The following FSTL5 variants were observed in gnomAD, a reference collection of about 807,000 sequenced individuals.
FSTL5 encodes follistatin-related protein 5.
In FSTL5, 62 loss-of-function variants were observed where a neutral mutation model predicts 89.1. The observed-to-expected ratio is 0.70, with a 90% CI of 0.57 to 0.86. The LOEUF is 0.86. Among genes scored for constraint, FSTL5 ranks in the 40% least tolerant of loss-of-function variants. The probability of loss-of-function intolerance (pLI) is 0.00; values close to 1 mark genes in which losing one functional copy is unlikely to be tolerated. For missense variants in FSTL5, 1,057 were observed against 1,001.6 expected, an observed-to-expected ratio of 1.06 and a Z score of -0.75; for synonymous variants, 383 against 346.2, an observed-to-expected ratio of 1.11 and a Z score of -1.18.
Position 161,386,280 on chromosome 4 carries a change from C to T in FSTL5, c.2011G>A (p.Gly671Arg), listed in dbSNP as rs745937435. ...YFIGCKPDST[G>R]AVSPQVMVDG... is the part of the protein sequence containing the mutation. ...ACCATGACCTGTGGGGAAACTGCTC[C>T]GGTGCTGTCAGGTTTGCAGCCAATG... The change falls in exon 16 of 16, where the codon GGA becomes AGA. Residue 671 changes from glycine to arginine, a missense_variant. Gly to Arg is a moderately radical substitution (Grantham distance 125, BLOSUM62 -2). Coordinates refer to ENST00000306100, the MANE Select transcript of FSTL5 (RefSeq NM_020116.5). The T allele has an allele frequency of 8.1e-6, 13 of 1,613,758 alleles. No homozygotes were observed. The highest frequency in any genetic ancestry group is 5.5e-5 in the South Asian group (5 of 91,080).
chr4:161,544,416 AC>A (rs1183974290), intron 8 of FSTL5, among the ~76,000 whole-genome samples: 1 of 152,032 alleles, frequency 6.6e-6, no homozygotes, highest in African/African-American at 2.4e-5. Flanking sequence ...CATTTATAAA[AC>A]GTTCACAATG....
intron 15 of FSTL5, among the ~76,000 whole-genome samples, chr4:161,443,783 T>C (rs902731110): frequency 6.6e-6 from 1 of 151,730 alleles, no homozygotes; most frequent in African/African-American, 2.4e-5. Flanking sequence ...TAAATGAGAA[T>C]TGGAAAGGGC....
At chr4:162,112,865 ATGT>A (rs1410380133) in intron 1 of FSTL5, among the ~76,000 whole-genome samples, 3 of 151,134 alleles carry the variant, frequency 2.0e-5, no homozygotes, top group South Asian at 2.1e-4. Flanking sequence ...TGGCCATTCC[ATGT>A]TGTTGTTGTT....
At chr4:161,929,660 C>CGTGTGTGTGTGTGT (rs765281533) in intron 3 of FSTL5, among the ~76,000 whole-genome samples, 15 of 126,936 alleles carry the variant, frequency 1.2e-4, no homozygotes, top group East Asian at 2.5e-4. Flanking sequence ...TAGGTAGGCA[C>CGTGTGTGTGTGTGT]GTGTGTGTGT....
intron 7 of FSTL5, among the ~76,000 whole-genome samples, chr4:161,621,227 G>A (rs1735108991): frequency 6.7e-6 from 1 of 149,994 alleles, no homozygotes. Flanking sequence ...AAAACTATCT[G>A]AAAAGTCTCT....
At chr4:162,040,878 T>C (rs1305265334) in intron 2 of FSTL5, among the ~76,000 whole-genome samples, 1 of 152,040 alleles carries the variant, frequency 6.6e-6, no homozygotes, top group African/African-American at 2.4e-5. Context: ...GCTTGTCCAT[T>C]GTCTGTTCCT....
chr4:161,578,364 T>C (rs1733306699), intron 8 of FSTL5, among the ~76,000 whole-genome samples: 1 of 151,646 alleles, frequency 6.6e-6, no homozygotes, highest in Non-Finnish European at 1.5e-5. Context: ...GACATACAGA[T>C]AAAAGAAAAA....
intron 6 of FSTL5, among the ~76,000 whole-genome samples, chr4:161,689,368 G>A (rs74866205): frequency 0.026 from 3,997 of 152,106 alleles, 69 homozygotes; most frequent in Non-Finnish European, 0.038. Flanking sequence ...TGTGATCATT[G>A]AGCACTTGAA....
chr4:161,818,347 C>T (rs952193744), intron 4 of FSTL5, among the ~76,000 whole-genome samples: 30 of 152,154 alleles, frequency 2.0e-4, no homozygotes, highest in African/African-American at 7.0e-4. Flanking sequence ...TTCTCCAAGC[C>T]CACATGTGAT....
chr4:162,150,955 T>A (rs1437938510), intron 1 of FSTL5, among the ~76,000 whole-genome samples: 1 of 152,168 alleles, frequency 6.6e-6, no homozygotes. Flanking sequence ...ATAAATCACA[T>A]GTGCTGCAGT....
In FSTL5 at chr4:161,500,099, C is replaced by T. The variant is rs1305855150; in HGVS notation, c.1375G>A (p.Glu459Lys). 2 of 1,604,446 alleles carry T rather than the reference C, an allele frequency of 1.2e-6. No homozygotes were observed. The highest frequency in any genetic ancestry group is 1.7e-6 in the Non-Finnish European group (2 of 1,173,658). The change falls in exon 12 of 16, where the codon GAA becomes AAA. Residue 459 changes from glutamate (E) to lysine (K), a missense_variant. Glu to Lys is a moderately conservative substitution (Grantham distance 56). This residue lies in a region of FSTL5 where 980 missense variants were observed against 903.2 expected (regional missense o/e 1.08). Coordinates refer to ENST00000306100, the MANE Select transcript of FSTL5 (RefSeq NM_020116.5). ...GIGNMFYVFYEDGIKVIQPIE... is the reference protein window; with the variant it reads ...GIGNMFYVFYKDGIKVIQPIE... ...GGTTGTATCACTTTGATTCCATCTTCATAAAAAACATAGAACATGTTCCCA... is the reference window on the plus strand; with the variant it reads ...GGTTGTATCACTTTGATTCCATCTTTATAAAAAACATAGAACATGTTCCCA...
intron 4 of FSTL5, among the ~76,000 whole-genome samples, chr4:161,800,988 T>C (rs1729773655): frequency 6.6e-6 from 1 of 151,558 alleles, no homozygotes; most frequent in Admixed American, 6.6e-5. Context: ...AGTTTGGAAG[T>C]ACTAGGAACC....
Position 161,459,280 on chromosome 4 carries a change from C to T in FSTL5, c.1648G>A (p.Asp550Asn). The T allele has an allele frequency of 6.2e-7, 1 of 1,613,404 alleles. No homozygotes were observed. Among genetic ancestry groups the T allele is most frequent in the East Asian group, 2.2e-5 (1 of 44,770 alleles). The change falls in exon 14 of 16, where the codon GAC (aspartate) becomes AAC (asparagine). Residue 550 changes from aspartate to asparagine, a missense_variant. Physicochemically the swap from Asp to Asn is conservative, Grantham distance 23. Coordinates refer to ENST00000306100, the MANE Select transcript of FSTL5 (RefSeq NM_020116.5). ...ACCCAGACCTGATCATGTGATTTGT[C>T]ATAGTGTAATTTAACTGGGACAGGG... Reference protein sequence around the residue: ...TDPVPVKLHYDKSHDQVWVLS... With the variant: ...TDPVPVKLHYNKSHDQVWVLS...
intron 4 of FSTL5, among the ~76,000 whole-genome samples, chr4:161,800,622 G>A (rs906777024): frequency 2.6e-5 from 4 of 151,540 alleles, no homozygotes; most frequent in Non-Finnish European, 5.9e-5. Context: ...TTTAGATTTT[G>A]TTAGGTTGCA....
chr4:161,541,782 T>A (rs1731826088), intron 9 of FSTL5, among the ~76,000 whole-genome samples: 1 of 151,818 alleles, frequency 6.6e-6, no homozygotes, highest in African/African-American at 2.4e-5. Flanking sequence ...AAGAAGATAC[T>A]CCAGTAAAAT....
In FSTL5 at chr4:162,111,274, A is replaced by C; in HGVS notation, c.123T>G (p.His41Gln). The C allele has an allele frequency of 3.1e-6, 5 of 1,606,510 alleles. No homozygotes were observed. Among genetic ancestry groups the C allele is most frequent in the Non-Finnish European group, 3.4e-6 (4 of 1,174,986 alleles). Residue 41 changes from histidine to glutamine, a missense_variant, in exon 2 of 16, where the codon CAT becomes CAG. His to Gln is a conservative substitution (Grantham distance 24). Transcript: ENST00000306100. ...KSYQPLMRLR[H>Q]KQEKNQESSR... ...AGATTCAGAATATTGACTGTACCTT[A>C]TGTCGCAATCTCATTAGAGGCTGAT... is the stretch of plus-strand genomic sequence containing the variant.
chr4:161,704,379 G>A (rs1738501198), intron 6 of FSTL5, among the ~76,000 whole-genome samples: 1 of 152,000 alleles, frequency 6.6e-6, no homozygotes, highest in Non-Finnish European at 1.5e-5. Flanking sequence ...ACATCCTCAG[G>A]ACCTCTTGAT....
chr4:161,566,177 T>TAA (rs79911491), intron 8 of FSTL5, among the ~76,000 whole-genome samples: 1 of 130,358 alleles, frequency 7.7e-6, no homozygotes, highest in South Asian at 2.5e-4. Context: ...CCTCAGCCAT[T>TAA]AAAAAAAAAC....
rs1741444278 is a variant in FSTL5 at position 161,777,285 on chromosome 4, A to C, written c.410-1211T>G. On this transcript the variant is annotated intron_variant, in intron 4 of 15. Transcript: ENST00000306100. ...TACACACACCATATTTTCCTTATCC[A>C]TTTATTGGCTGATGAACACTTAGGT... Among the ~76,000 whole-genome samples the C allele has an allele frequency of 3.4e-5, 5 of 148,228 alleles. No individual in the cohort carries two copies. The Admixed American group carries it at 3.4e-4, about 10-fold the overall frequency.
Sources: gnomAD v4.1 joint callset for allele counts (sites outside exome capture counted in the v4.1 genomes callset) on GRCh38, gnomAD v4.1.1 for gene constraint, gnomAD v4.1.1 regional missense constraint, MANE v1.5 for transcripts, NCBI Gene and HGNC (gene_info 2026-07-23, HGNC 2026-07-21) for gene names.